PLCH1: variants seen among roughly 807,000 people sequenced by gnomAD.
The protein encoded by PLCH1 is phospholipase C eta 1.
A neutral mutation model predicts 126.7 loss-of-function variants in PLCH1; 60 were observed. The ratio of observed to expected loss-of-function variants is 0.47; its 90% confidence interval spans 0.38 to 0.59. The LOEUF (loss-of-function observed/expected upper bound fraction) is 0.59, where lower values mean the gene tolerates loss of function less well. Ranked by LOEUF, PLCH1 falls within the 20% of genes least tolerant of loss-of-function variation. The probability of loss-of-function intolerance (pLI) is 0.00; values close to 1 mark genes in which losing one functional copy is unlikely to be tolerated. For synonymous variants in PLCH1, 719 were observed against 734.9 expected (o/e 0.98, Z 0.35); for missense variants, 1,723 against 2,040.0 (o/e 0.84, Z 2.99).
intron 2 of PLCH1, among the ~76,000 whole-genome samples, chr3:155,650,099 C>G (rs1166684557): frequency 6.6e-6 from 1 of 152,114 alleles, no homozygotes; most frequent in Non-Finnish European, 1.5e-5. Flanking sequence ...AACAGCCCCC[C>G]CAAACCCCCA....
chr3:155,454,881 C>CT (rs1427496247), intron 21 of PLCH1, among the ~76,000 whole-genome samples: 2 of 152,126 alleles, frequency 1.3e-5, no homozygotes, highest in African/African-American at 4.8e-5. Flanking sequence ...GCTGGTCCCC[C>CT]TGTTACACAT....
chr3:155,715,537 T>C (rs1185789450), intron 1 of PLCH1, among the ~76,000 whole-genome samples: 2 of 151,648 alleles, frequency 1.3e-5, no homozygotes, highest in Non-Finnish European at 2.9e-5. Context: ...ACTCCTGAGC[T>C]CAAGTGATCT....
chr3:155,683,690 G>A (rs1212271683), intron 2 of PLCH1, among the ~76,000 whole-genome samples: 2 of 152,194 alleles, frequency 1.3e-5, no homozygotes, highest in Non-Finnish European at 2.9e-5. Context: ...TAACAGAGGA[G>A]AATTAACTAG....
chr3:155,736,637 T>A (rs1483402618), intron 1 of PLCH1, among the ~76,000 whole-genome samples: 1 of 152,182 alleles, frequency 6.6e-6, no homozygotes, highest in African/African-American at 2.4e-5. Flanking sequence ...GAAAGAAAAC[T>A]ATTAAAAATT....
intron 2 of PLCH1, among the ~76,000 whole-genome samples, chr3:155,663,141 C>T (rs965136998): frequency 3.9e-5 from 6 of 152,090 alleles, no homozygotes; most frequent in Non-Finnish European, 5.9e-5. Context: ...AGACACTGTC[C>T]CTGTTATGTA....
intron 10 of PLCH1, among the ~76,000 whole-genome samples, chr3:155,535,304 T>C (rs186270284): frequency 2.0e-5 from 3 of 152,106 alleles, no homozygotes; most frequent in African/African-American, 7.2e-5. Context: ...AAACAGGAAG[T>C]GCAGATAGGA....
chr3:155,515,140 T>A (rs553702172), intron 11 of PLCH1, among the ~76,000 whole-genome samples: 7 of 152,212 alleles, frequency 4.6e-5, no homozygotes, highest in Non-Finnish European at 1.0e-4. Flanking sequence ...AGGAACCTTA[T>A]AAGTATTATT....
At chr3:155,476,670 T>C (rs1576772499), downstream of PLCH1, among the ~76,000 whole-genome samples, 2 of 151,534 alleles carry the variant, frequency 1.3e-5, no homozygotes, top group Admixed American at 1.3e-4. Flanking sequence ...GTGAAAAAAA[T>C]TAAAGTAATC....
At chr3:155,500,655 G>T in intron 14 of PLCH1, 48 bp downstream of exon 14, 1 of 1,095,542 alleles carries the variant, frequency 9.1e-7, no homozygotes, top group Non-Finnish European at 1.4e-6. Context: ...TGACAAGGAT[G>T]GAGGGGCCTC....
intron 12 of PLCH1, among the ~76,000 whole-genome samples, chr3:155,512,633 C>T (rs920273228): frequency 3.3e-5 from 5 of 152,118 alleles, no homozygotes; most frequent in African/African-American, 1.2e-4. Context: ...GGTAAGAGCA[C>T]GGTACCAGGA....
intron 2 of PLCH1, among the ~76,000 whole-genome samples, chr3:155,639,014 T>C (rs115488259): frequency 0.013 from 1,974 of 152,296 alleles, 35 homozygotes; most frequent in African/African-American, 0.045. Flanking sequence ...TATATATAAT[T>C]ATATTATATT....
At chr3:155,591,423 T>C (rs1297648759) in intron 4 of PLCH1, among the ~76,000 whole-genome samples, 1 of 152,180 alleles carries the variant, frequency 6.6e-6, no homozygotes, top group Non-Finnish European at 1.5e-5. Flanking sequence ...ACTACATGTC[T>C]GTGTGAGGCC....
intron 6 of PLCH1, 78 bp downstream of exon 6, chr3:155,583,394 T>C: frequency 8.5e-7 from 1 of 1,179,716 alleles, no homozygotes; most frequent in Non-Finnish European, 1.2e-6. Context: ...AAAGTATACC[T>C]ATATTTAACC....
chr3:155,458,517 T>TAAG (rs71624565), intron 21 of PLCH1, among the ~76,000 whole-genome samples: 37,551 of 80,736 alleles, frequency 0.47, 9,851 homozygotes, highest in African/African-American at 0.74. Flanking sequence ...GAGAGAGAAA[T>TAAG]AAGAAAGAGA....
intron 1 of PLCH1, among the ~76,000 whole-genome samples, chr3:155,714,117 C>T (rs1279189065): frequency 6.6e-6 from 1 of 152,224 alleles, no homozygotes; most frequent in Non-Finnish European, 1.5e-5. Flanking sequence ...ATATCCTGTA[C>T]TTCGGCCTCT....
At chr3:155,475,794 C>G (rs1417548611), downstream of PLCH1, among the ~76,000 whole-genome samples, 5 of 151,834 alleles carry the variant, frequency 3.3e-5, no homozygotes, top group Admixed American at 2.0e-4. Context: ...AAATTGATAA[C>G]AAGTAATGAG....
intron 4 of PLCH1, among the ~76,000 whole-genome samples, chr3:155,593,615 T>C (rs1376634551): frequency 6.6e-6 from 1 of 152,150 alleles, no homozygotes; most frequent in Non-Finnish European, 1.5e-5. Context: ...TGCCTATGAT[T>C]TAAAAGAGGC....
chr3:155,730,387 T>G (rs534038218), intron 1 of PLCH1, among the ~76,000 whole-genome samples: 121 of 152,206 alleles, frequency 7.9e-4, no homozygotes, highest in African/African-American at 2.9e-3. Context: ...GTTTAAGTGA[T>G]TCTCATGTCT....
intron 21 of PLCH1, among the ~76,000 whole-genome samples, chr3:155,460,249 G>A (rs1334461997): frequency 6.6e-6 from 1 of 152,118 alleles, no homozygotes; most frequent in African/African-American, 2.4e-5. Flanking sequence ...TGTCACACAA[G>A]CATGACATTT....
Sources: allele counts gnomAD v4.1 joint callset (sites outside exome capture counted in the v4.1 genomes callset), GRCh38; gene constraint gnomAD v4.1.1; transcripts MANE v1.5; gene names NCBI Gene and HGNC (gene_info 2026-07-23, HGNC 2026-07-21).